The following CCL28 variants were observed in gnomAD, a reference collection of about 807,000 sequenced individuals.
The protein encoded by CCL28 is C-C motif chemokine 28.
A neutral mutation model predicts 7.1 loss-of-function variants in CCL28; 4 were observed. That is an observed-to-expected ratio of 0.56 (90% CI 0.28 to 1.29). CCL28 has a LOEUF of 1.29. Ranked by LOEUF, CCL28 falls within the 50% of genes most tolerant of loss-of-function variation. CCL28 has a pLI of 0.11. For missense variants in CCL28, 151 were observed against 163.4 expected (o/e 0.92, Z 0.41); for synonymous variants, 55 against 57.8 (o/e 0.95, Z 0.22).
chr5:43,405,639 C>A (rs1201562122), intron 1 of CCL28, among the ~76,000 whole-genome samples: 2 of 152,118 alleles, frequency 1.3e-5, no homozygotes, highest in African/African-American at 4.8e-5. Context: ...CTAGAAATAA[C>A]TAAGATCAGA....
At chr5:43,408,223 A>C (rs941678501) in intron 1 of CCL28, among the ~76,000 whole-genome samples, 5 of 152,262 alleles carry the variant, frequency 3.3e-5, no homozygotes, top group Non-Finnish European at 7.3e-5. Flanking sequence ...ACAATAGCAA[A>C]GACTTGGAAC....
chr5:43,402,961 G>C (rs921717497), intron 1 of CCL28, among the ~76,000 whole-genome samples: 4 of 152,242 alleles, frequency 2.6e-5, no homozygotes, highest in Non-Finnish European at 5.9e-5. Flanking sequence ...TGAGGCTGGG[G>C]GAAGGGCGTC....
the CCL28 span, among the ~76,000 whole-genome samples, chr5:43,361,310 G>T: frequency 1.3e-5 from 2 of 152,166 alleles, no homozygotes; most frequent in African/African-American, 4.8e-5. Context: ...ATAATAGAAT[G>T]ACTTATATTC....
chr5:43,372,348 C>A (rs1272404111), downstream of CCL28, among the ~76,000 whole-genome samples: 3 of 152,124 alleles, frequency 2.0e-5, no homozygotes, highest in Non-Finnish European at 4.4e-5. Flanking sequence ...TTCTCATTAA[C>A]ACAATTATAT....
At chr5:43,389,155 G>A (rs1740463484) in intron 1 of CCL28, among the ~76,000 whole-genome samples, 1 of 152,186 alleles carries the variant, frequency 6.6e-6, no homozygotes, top group African/African-American at 2.4e-5. Flanking sequence ...AGGGGACACG[G>A]AGTGACTGTG....
At chr5:43,367,975 G>A in the CCL28 span, among the ~76,000 whole-genome samples, 7 of 152,162 alleles carry the variant, frequency 4.6e-5, no homozygotes, top group Non-Finnish European at 8.8e-5. Flanking sequence ...TACAAATAAG[G>A]TAGGCCTGCT....
the CCL28 span, among the ~76,000 whole-genome samples, chr5:43,361,063 C>T: frequency 4.6e-5 from 7 of 152,186 alleles, no homozygotes. Context: ...CAAGTAAGAA[C>T]ATGCAGTGTT....
chr5:43,399,431 A>G (rs1200600267), intron 1 of CCL28, among the ~76,000 whole-genome samples: 1 of 152,196 alleles, frequency 6.6e-6, no homozygotes, highest in Non-Finnish European at 1.5e-5. Flanking sequence ...AGTCTTTACC[A>G]TGTATGACAT....
At chr5:43,409,416 C>A (rs768511556) in intron 1 of CCL28, among the ~76,000 whole-genome samples, 1 of 152,152 alleles carries the variant, frequency 6.6e-6, no homozygotes, top group South Asian at 2.1e-4. Flanking sequence ...ACAAGAGCAA[C>A]AAACTCCATC....
chr5:43,385,554 T>C (rs560637621), intron 2 of CCL28, among the ~76,000 whole-genome samples: 15 of 152,206 alleles, frequency 9.9e-5, no homozygotes, highest in Admixed American at 9.8e-4. Context: ...ACATGCTCCA[T>C]ACTAAACTAA....
intron 1 of CCL28, among the ~76,000 whole-genome samples, chr5:43,409,806 T>C (rs1741459978): frequency 1.3e-5 from 2 of 152,010 alleles, no homozygotes; most frequent in Non-Finnish European, 2.9e-5. Context: ...AAGTCCTAGA[T>C]TGTGGGTTTA....
rs1375231837 is a variant in CCL28, at chr5:43,381,347, T to G, written c.*513A>C. 6.6e-6 allele frequency: 1 copy of G among 152,182 alleles called. No homozygotes were observed. The highest frequency in any genetic ancestry group is 1.5e-5 in the Non-Finnish European group (1 of 68,056). The allele number at this position is 152,182 out of a possible 1,614,324, so 9.4% of individuals were successfully genotyped here. A position where few individuals can be genotyped will look rare whatever the true frequency, so the allele number is the denominator to read the frequency against. ...GGGAGAAGTTATATCTATATGCTCCTCTTAAAATATTATATGAAGATATAC... is the reference window on the plus strand; with the variant it reads ...GGGAGAAGTTATATCTATATGCTCCGCTTAAAATATTATATGAAGATATAC... On this transcript the variant is annotated 3_prime_UTR_variant, in exon 3 of 3. Transcript: ENST00000361115.
intron 1 of CCL28, among the ~76,000 whole-genome samples, chr5:43,408,638 TA>T (rs780885223): frequency 1.1e-4 from 16 of 151,448 alleles, no homozygotes; most frequent in South Asian, 2.1e-4. Context: ...TTAAGTATAA[TA>T]AAAAAAAATT....
the CCL28 span, among the ~76,000 whole-genome samples, chr5:43,360,134 C>A: frequency 2.4e-4 from 37 of 152,214 alleles, no homozygotes; most frequent in African/African-American, 8.7e-4. Context: ...ATAGGAAGAA[C>A]CCTTTGGGCA....
chr5:43,408,766 CT>C (rs1189286506), intron 1 of CCL28, among the ~76,000 whole-genome samples: 4 of 151,640 alleles, frequency 2.6e-5, no homozygotes, highest in African/African-American at 7.3e-5. Flanking sequence ...AGGGACTTTC[CT>C]TTTTTTAATT....
At chr5:43,370,213 C>A in the CCL28 span, among the ~76,000 whole-genome samples, 1 of 152,160 alleles carries the variant, frequency 6.6e-6, no homozygotes. Context: ...TTTTAAAGCA[C>A]TAAATTTTAA....
In CCL28 at chr5:43,381,837, C is replaced by G. The variant is rs1255799813; in HGVS notation, c.*23G>C. 2.5e-6 allele frequency: 4 copies of G among 1,581,420 alleles called. No homozygotes were observed. The highest frequency in any genetic ancestry group is 1.7e-5 in the Admixed American group (1 of 57,708). On this transcript the variant is annotated 3_prime_UTR_variant, in exon 3 of 3. Coordinates refer to ENST00000361115, the MANE Select transcript of CCL28 (RefSeq NM_148672.3). ...GCCAAGTCCACTTGAGGAATTGTCTCTGTAGATTTATCTGTAGACTCTCTA... is the reference window on the plus strand; with the variant it reads ...GCCAAGTCCACTTGAGGAATTGTCTGTGTAGATTTATCTGTAGACTCTCTA...
downstream of CCL28, among the ~76,000 whole-genome samples, chr5:43,374,780 CAAAAA>C (rs10540720): frequency 4.6e-5 from 5 of 109,420 alleles, no homozygotes; most frequent in Admixed American, 9.8e-5. Context: ...GACTCTGTCT[CAAAAA>C]AAAAAAAAAA....
In CCL28 at chr5:43,405,528, T is replaced by C. The variant is rs1741239771; in HGVS notation, c.64+6725A>G. Among the ~76,000 whole-genome samples, 3 of 151,966 alleles carry C rather than the reference T, an allele frequency of 2.0e-5. No homozygotes were observed. The South Asian group carries it at 6.2e-4, about 31-fold the overall frequency. Reference sequence around the variant, plus strand: ...AGGGGGAAATTTATAGCACTACATGTGAACAAGAGAAAGCAGGAAAGATCT... The same window carrying C: ...AGGGGGAAATTTATAGCACTACATGCGAACAAGAGAAAGCAGGAAAGATCT... On this transcript the variant is annotated intron_variant, in intron 1 of 2. Coordinates refer to ENST00000361115, the MANE Select transcript of CCL28 (RefSeq NM_148672.3).
Sources: gnomAD v4.1 joint callset for allele counts (sites outside exome capture counted in the v4.1 genomes callset) on GRCh38, gnomAD v4.1.1 for gene constraint, MANE v1.5 for transcripts, NCBI Gene and HGNC (gene_info 2026-07-23, HGNC 2026-07-21) for gene names.